PCM1: variants seen among roughly 807,000 people sequenced by gnomAD.
The protein encoded by PCM1 is pericentriolar material 1 protein.
A neutral mutation model predicts 241.9 loss-of-function variants in PCM1; 157 were observed. The ratio of observed to expected loss-of-function variants is 0.65; its 90% CI spans 0.57 to 0.74. PCM1 has a LOEUF of 0.74. Among genes scored for constraint, PCM1 ranks in the 30% least tolerant of loss-of-function variants. The probability of loss-of-function intolerance (pLI) is 0.00; values close to 1 mark genes in which losing one functional copy is unlikely to be tolerated. For synonymous variants in PCM1, 1,085 were observed against 784.9 expected (o/e 1.38, Z -6.39); for missense variants, 3,478 against 2,360.1 (o/e 1.47, Z -9.81).
At chr8:17,944,586 CA>C (rs1157961396) in intron 6 of PCM1, among the ~76,000 whole-genome samples, 1 of 151,690 alleles carries the variant, frequency 6.6e-6, no homozygotes, top group African/African-American at 2.4e-5. Flanking sequence ...GTGACTTTTT[CA>C]AAAAAAGTTT....
chr8:18,010,109 C>T (rs1038739982), intron 31 of PCM1, among the ~76,000 whole-genome samples: 8 of 152,186 alleles, frequency 5.3e-5, no homozygotes, highest in African/African-American at 1.9e-4. Context: ...CGAGAATATG[C>T]ATTACCCAGA....
At chr8:17,928,831 A>G (rs1161186582) in intron 2 of PCM1, among the ~76,000 whole-genome samples, 1 of 151,658 alleles carries the variant, frequency 6.6e-6, no homozygotes, top group Non-Finnish European at 1.5e-5. Context: ...AGGGTTTCGC[A>G]GTTTGGAACA....
intron 6 of PCM1, among the ~76,000 whole-genome samples, chr8:17,941,636 A>G (rs540467207): frequency 3.3e-5 from 5 of 152,024 alleles, no homozygotes; most frequent in East Asian, 3.9e-4. Flanking sequence ...ATGCTACACT[A>G]TTTAATAAAG....
chr8:17,948,794 A>G (rs1488782815), intron 7 of PCM1, among the ~76,000 whole-genome samples: 1 of 152,232 alleles, frequency 6.6e-6, no homozygotes, highest in East Asian at 1.9e-4. Flanking sequence ...AGTTTGGTTA[A>G]TGACTAACCT....
intron 23 of PCM1, among the ~76,000 whole-genome samples, chr8:17,976,749 AAG>A (rs1334124285): frequency 1.3e-5 from 2 of 152,206 alleles, no homozygotes; most frequent in African/African-American, 4.8e-5. Flanking sequence ...GAGAAAGGGA[AAG>A]AGTGGTGAAG....
At chr8:17,962,198 T>C in intron 16 of PCM1, 24 bp downstream of exon 16, 3 of 1,576,914 alleles carry the variant, frequency 1.9e-6, no homozygotes, top group Non-Finnish European at 2.6e-6. Flanking sequence ...TACTCTCTTG[T>C]TCCTGAGTTA....
intron 38 of PCM1, among the ~76,000 whole-genome samples, chr8:18,026,765 T>G (rs2094252053): frequency 6.6e-6 from 1 of 152,166 alleles, no homozygotes. Context: ...TGGTTAAGTA[T>G]ATGTGCATTT....
chr8:17,991,118 T>G (rs1266010211), intron 27 of PCM1, among the ~76,000 whole-genome samples: 1 of 152,122 alleles, frequency 6.6e-6, no homozygotes, highest in Non-Finnish European at 1.5e-5. Context: ...GAAATTTCAT[T>G]GATAGGCCTT....
In PCM1 at chr8:18,028,658, GTGAT is replaced by G. The variant is rs59004005; in HGVS notation, c.*1002_*1005del. 0.69 allele frequency: 139,843 copies of G among 203,350 alleles called. 48,767 individuals are homozygous for G. The highest frequency in any genetic ancestry group is 0.73 in the Middle Eastern group (453 of 620). The allele number at this position is 203,350 out of a possible 1,614,324, so 12.6% of individuals were successfully genotyped here. A position where few individuals can be genotyped will look rare whatever the true frequency, so the allele number is the denominator to read the frequency against. On this transcript the variant is annotated 3_prime_UTR_variant, in exon 39 of 39. Transcript: ENST00000325083. Reference sequence around the variant, plus strand: ...GTGACTTTAAGTCAGCTTTTGAAAAGTGATTGATTTGCTTTTTATCCCAAACTGT... The same window carrying G: ...GTGACTTTAAGTCAGCTTTTGAAAAGTGATTTGCTTTTTATCCCAAACTGT...
chr8:18,007,772 T>C (rs1055271100), intron 30 of PCM1, among the ~76,000 whole-genome samples: 5 of 152,182 alleles, frequency 3.3e-5, no homozygotes, highest in African/African-American at 1.2e-4. Flanking sequence ...CGTTCAAGAA[T>C]TGTTTTTTCC....
chr8:17,993,630 A>C lies in PCM1; in HGVS notation c.4827+11A>C. On this transcript the variant is annotated intron_variant, in intron 29 of 38. Transcript: ENST00000325083. The stretch of plus-strand genomic sequence containing the variant: ...ATTCCTTTTTTGAAGGTAAGCAATT[A>C]TTTTAAAAAATAAACGAAACCTTCT... The C allele has an allele frequency of 1.3e-6, 2 of 1,562,332 alleles. No individual in the cohort carries two copies. Among genetic ancestry groups the C allele is most frequent in the Non-Finnish European group, 1.7e-6 (2 of 1,153,642 alleles).
At chr8:17,953,671 A>G (rs957791039) in intron 9 of PCM1, among the ~76,000 whole-genome samples, 4 of 152,224 alleles carry the variant, frequency 2.6e-5, no homozygotes, top group African/African-American at 7.2e-5. Context: ...CTGGATTTAT[A>G]TTCATTTTTA....
At chr8:17,986,189 G>T (rs1309362839) in intron 26 of PCM1, 102 bp downstream of exon 26, 2 of 800,792 alleles carry the variant, frequency 2.5e-6, no homozygotes, top group Non-Finnish European at 3.6e-6. Context: ...TAATATATTT[G>T]ATTTTCAGCT....
At chr8:17,954,697 G>T (rs1398404636) in intron 9 of PCM1, among the ~76,000 whole-genome samples, 3 of 152,052 alleles carry the variant, frequency 2.0e-5, no homozygotes, top group Non-Finnish European at 4.4e-5. Context: ...GAAAGATACT[G>T]GTAAATGACA....
chr8:18,004,425 A>G (rs1394856425), intron 29 of PCM1, among the ~76,000 whole-genome samples: 1 of 152,182 alleles, frequency 6.6e-6, no homozygotes, highest in Non-Finnish European at 1.5e-5. Flanking sequence ...CCTAAATCAC[A>G]ACACTTATCT....
At chr8:17,949,915 G>A (rs938987152) in intron 7 of PCM1, among the ~76,000 whole-genome samples, 1 of 152,036 alleles carries the variant, frequency 6.6e-6, no homozygotes, top group Non-Finnish European at 1.5e-5. Context: ...GAATATGGGG[G>A]CATTTTTTTT....
chr8:17,975,391 G>C (rs1479462230), intron 23 of PCM1, among the ~76,000 whole-genome samples: 1 of 152,058 alleles, frequency 6.6e-6, no homozygotes, highest in Non-Finnish European at 1.5e-5. Context: ...TTGAACTCCC[G>C]ATCTCAGGTG....
chr8:17,974,391 C>T (rs1265763819), intron 23 of PCM1, among the ~76,000 whole-genome samples: 1 of 152,322 alleles, frequency 6.6e-6, no homozygotes, highest in South Asian at 2.1e-4. Flanking sequence ...TCAGCATTGT[C>T]TCATTCAGAT....
intron 26 of PCM1, among the ~76,000 whole-genome samples, chr8:17,988,809 T>A (rs531017510): frequency 1.5e-4 from 23 of 151,836 alleles, no homozygotes; most frequent in Non-Finnish European, 2.9e-4. Flanking sequence ...AGATTGACAA[T>A]AAGAAGTGTT....
Sources: gnomAD v4.1 joint callset for allele counts (sites outside exome capture counted in the v4.1 genomes callset) on GRCh38, gnomAD v4.1.1 for gene constraint, MANE v1.5 for transcripts, NCBI Gene and HGNC (gene_info 2026-07-23, HGNC 2026-07-21) for gene names.